The following KAZN variants were observed in gnomAD, a reference collection of about 807,000 sequenced individuals.
The protein encoded by KAZN is kazrin, periplakin interacting protein.
A neutral mutation model predicts 87.4 loss-of-function variants in KAZN; 40 were observed. The observed-to-expected ratio is 0.46, with a 90% confidence interval of 0.36 to 0.60. The LOEUF is 0.60. Among genes scored for constraint, KAZN ranks in the 20% least tolerant of loss-of-function variants. KAZN has a pLI of 0.00. For missense variants in KAZN, 898 were observed against 1,073.9 expected, an observed-to-expected ratio of 0.84 and a Z score of 2.29; for synonymous variants, 466 against 458.3, an observed-to-expected ratio of 1.02 and a Z score of -0.22.
intron 8 of KAZN, among the ~76,000 whole-genome samples, chr1:15,087,591 C>T (rs1158027180): frequency 6.6e-6 from 1 of 152,106 alleles, no homozygotes; most frequent in Non-Finnish European, 1.5e-5. Context: ...GACGGGGTTT[C>T]ACCATGTCGG....
intron 1 of KAZN, among the ~76,000 whole-genome samples, chr1:14,615,942 G>C (rs2148629936): frequency 6.6e-6 from 1 of 152,328 alleles, no homozygotes; most frequent in Admixed American, 6.5e-5. Flanking sequence ...TCGTCTTGGG[G>C]AGTGTGGTCT....
intron 2 of KAZN, among the ~76,000 whole-genome samples, chr1:14,577,213 T>C (rs1675246885): frequency 6.6e-6 from 1 of 152,232 alleles, no homozygotes; most frequent in Admixed American, 6.5e-5. Flanking sequence ...GACAATGGCA[T>C]ACATCAGATC....
At chr1:14,891,098 C>A (rs1403326990) in intron 1 of KAZN, among the ~76,000 whole-genome samples, 1 of 152,014 alleles carries the variant, frequency 6.6e-6, no homozygotes, top group Non-Finnish European at 1.5e-5. Context: ...CCCGCCTCGG[C>A]CTCCCAAAGT....
intron 1 of KAZN, among the ~76,000 whole-genome samples, chr1:14,161,409 T>C (rs920116914): frequency 4.6e-5 from 7 of 152,232 alleles, no homozygotes; most frequent in African/African-American, 1.4e-4. Flanking sequence ...CCTTCCAAGA[T>C]GGTGCACCCA....
rs138270936 is a variant in KAZN, at chr1:14,122,889, G to A, written c.92-57546G>A. On this transcript the variant is annotated intron_variant, in intron 1 of 16. Transcript: ENST00000636203. ...GATTAAAACACCTACCTTGGTTTTTGCTATTGTTTGTTTTTTGTCTATGGC... is the reference window on the plus strand; with the variant it reads ...GATTAAAACACCTACCTTGGTTTTTACTATTGTTTGTTTTTTGTCTATGGC... 2.3e-3 allele frequency among the ~76,000 whole-genome samples: 351 copies of A among 152,194 alleles called. 1 individual carries two copies. Among genetic ancestry groups the A allele is most frequent in the African/African-American group, 8.2e-3 (339 of 41,538 alleles).
intron 1 of KAZN, among the ~76,000 whole-genome samples, chr1:14,124,019 A>G (rs986656850): frequency 2.0e-5 from 3 of 152,180 alleles, no homozygotes; most frequent in Non-Finnish European, 4.4e-5. Context: ...CGACCCAGGT[A>G]AGGGTCTACC....
Position 13,911,641 on chromosome 1 carries a change from G to T in KAZN, c.91+17885G>T, listed in dbSNP as rs1054141315. 3.9e-4 allele frequency among the ~76,000 whole-genome samples: 59 copies of T among 152,258 alleles called. 1 individual carries two copies. Among genetic ancestry groups the T allele is most frequent in the African/African-American group, 1.4e-3 (57 of 41,556 alleles). On this transcript the variant is annotated intron_variant, in intron 1 of 16. Transcript: ENST00000636203. ...ACGTCCTTTGAGGTCTATATAAATT[G>T]TCCCACTTTGAAAATTTTCATTTTG...
chr1:14,418,438 TTAC>T (rs1665021017), intron 2 of KAZN, among the ~76,000 whole-genome samples: 1 of 152,198 alleles, frequency 6.6e-6, no homozygotes, highest in Admixed American at 6.5e-5. Context: ...ACTTTTATTA[TTAC>T]TGTCAGCATG....
intron 2 of KAZN, among the ~76,000 whole-genome samples, chr1:14,191,259 G>A (rs1347928500): frequency 1.3e-5 from 2 of 152,152 alleles, no homozygotes; most frequent in Non-Finnish European, 2.9e-5. Context: ...GAGGCAGTTT[G>A]TTTTGGCAAT....
rs537512324 is a variant in KAZN at position 15,029,822 on chromosome 1, C to T, written c.419-4927C>T. On this transcript the variant is annotated intron_variant, in intron 2 of 14. Coordinates refer to ENST00000376030, the MANE Select transcript of KAZN (RefSeq NM_201628.3). Reference sequence around the variant, plus strand: ...GATTTCCCTGCCAACCAGAGGGCAGCGGTGTAAATCCCCCAGGGAGCCCAT... The same window carrying T: ...GATTTCCCTGCCAACCAGAGGGCAGTGGTGTAAATCCCCCAGGGAGCCCAT... Among the ~76,000 whole-genome samples, 38 of 152,324 alleles carry T rather than the reference C, an allele frequency of 2.5e-4. No homozygotes were observed. The South Asian group carries it at 6.8e-3, about 27-fold the overall frequency.
intron 2 of KAZN, among the ~76,000 whole-genome samples, chr1:14,384,527 G>C (rs1269123392): frequency 4.0e-5 from 6 of 151,516 alleles, no homozygotes; most frequent in African/African-American, 1.2e-4. Flanking sequence ...TAGCATGAAA[G>C]GTTGTTGAAT....
intron 2 of KAZN, among the ~76,000 whole-genome samples, chr1:14,259,159 A>G (rs1571163661): frequency 6.6e-6 from 1 of 152,064 alleles, no homozygotes; most frequent in Non-Finnish European, 1.5e-5. Flanking sequence ...TCACGTGGCT[A>G]GGCAGCATGC....
At chr1:13,934,970 C>T (rs1640665304) in intron 1 of KAZN, among the ~76,000 whole-genome samples, 1 of 152,110 alleles carries the variant, frequency 6.6e-6, no homozygotes, top group Non-Finnish European at 1.5e-5. Context: ...GGTGTGGTGG[C>T]TTACGCCTGT....
chr1:14,253,067 A>C (rs1041522135), intron 2 of KAZN, among the ~76,000 whole-genome samples: 3 of 150,784 alleles, frequency 2.0e-5, no homozygotes, highest in Admixed American at 2.0e-4. Flanking sequence ...ATAAATATAC[A>C]CTTACTATGT....
At chr1:15,016,783 C>T (rs79510050) in intron 2 of KAZN, among the ~76,000 whole-genome samples, 12 of 152,278 alleles carry the variant, frequency 7.9e-5, no homozygotes, top group Non-Finnish European at 1.8e-4. Flanking sequence ...TTCCCTCTGC[C>T]GGAACATTCT....
At chr1:15,076,213 A>G (rs908319047) in intron 8 of KAZN, among the ~76,000 whole-genome samples, 11 of 152,224 alleles carry the variant, frequency 7.2e-5, no homozygotes, top group African/African-American at 2.2e-4. Context: ...ATGGAGGGTT[A>G]GAGGTAACAG....
At chr1:14,493,662 A>T (rs1037677596) in intron 2 of KAZN, among the ~76,000 whole-genome samples, 2 of 152,194 alleles carry the variant, frequency 1.3e-5, no homozygotes, top group Non-Finnish European at 2.9e-5. Context: ...ATGATATAAT[A>T]TCTCTACGTG....
intron 1 of KAZN, among the ~76,000 whole-genome samples, chr1:14,042,495 C>T (rs1641881360): frequency 6.6e-6 from 1 of 152,194 alleles, no homozygotes; most frequent in Non-Finnish European, 1.5e-5. Context: ...GGCAAATTGG[C>T]TTGCTTTTCC....
rs141915143 is a variant in KAZN, at chr1:14,543,686, AATAG to A, written c.250-55296_250-55293del. 5.9e-5 allele frequency among the ~76,000 whole-genome samples: 9 copies of A among 152,314 alleles called. No individual in the cohort carries two copies. In the East Asian group the frequency reaches 1.5e-3, roughly 26 times the overall value. ...AATCACAAGATTATGAGTCTTGTGCAATAGTTATTTCCATCCTAATGTGAGAACC... is the reference window on the plus strand; with the variant it reads ...AATCACAAGATTATGAGTCTTGTGCATTATTTCCATCCTAATGTGAGAACC... On this transcript the variant is annotated intron_variant, in intron 2 of 16. Transcript: ENST00000636203.
Sources: gnomAD v4.1 joint callset for allele counts (sites outside exome capture counted in the v4.1 genomes callset) on GRCh38, gnomAD v4.1.1 for gene constraint, MANE v1.5 for transcripts, NCBI Gene and HGNC (gene_info 2026-07-23, HGNC 2026-07-21) for gene names.